WDR27: variants seen among roughly 807,000 people sequenced by gnomAD.
The protein encoded by WDR27 is WD repeat-containing protein 27.
WDR27 carries 100 observed loss-of-function variants against 114.4 expected under a neutral mutation model. The ratio of observed to expected loss-of-function variants is 0.87; its 90% CI spans 0.74 to 1.03. The LOEUF is 1.03. Ranked by LOEUF, WDR27 falls within the 50% of genes least tolerant of loss-of-function variation. The pLI is 0.00. For synonymous variants in WDR27, 449 were observed against 423.1 expected, an observed-to-expected ratio of 1.06 and a Z score of -0.75; for missense variants, 1,129 against 1,092.9, an observed-to-expected ratio of 1.03 and a Z score of -0.47.
chr6:169,607,281 T>C (rs1249782896), intron 22 of WDR27, among the ~76,000 whole-genome samples: 1 of 152,082 alleles, frequency 6.6e-6, no homozygotes, highest in African/African-American at 2.4e-5. Context: ...AAAAGACACA[T>C]GCACTCATAT....
the WDR27 span, among the ~76,000 whole-genome samples, chr6:169,450,265 C>T: frequency 6.6e-6 from 1 of 151,930 alleles, no homozygotes; most frequent in Admixed American, 6.5e-5. Flanking sequence ...AGGCTGCAGC[C>T]CCAGGCAGCA....
chr6:169,537,509 T>A (rs982142025), intron 25 of WDR27, among the ~76,000 whole-genome samples: 1 of 152,080 alleles, frequency 6.6e-6, no homozygotes, highest in East Asian at 1.9e-4. Flanking sequence ...GTGGAAGAGC[T>A]TGGTGTAAAA....
At chr6:169,654,858 C>G (rs1823672503) in intron 13 of WDR27, among the ~76,000 whole-genome samples, 1 of 152,060 alleles carries the variant, frequency 6.6e-6, no homozygotes, top group East Asian at 1.9e-4. Flanking sequence ...GGAGGAGCCC[C>G]GTTCAGAAGG....
At chr6:169,535,727 T>A (rs1255819418) in intron 25 of WDR27, among the ~76,000 whole-genome samples, 1 of 152,210 alleles carries the variant, frequency 6.6e-6, no homozygotes. Context: ...TCATAAAGTA[T>A]GTGGACCACA....
intron 14 of WDR27, among the ~76,000 whole-genome samples, chr6:169,650,800 C>T (rs557120684): frequency 1.2e-4 from 18 of 151,946 alleles, no homozygotes; most frequent in African/African-American, 4.3e-4. Flanking sequence ...ATCCCTCCAC[C>T]CCACCATCCA....
At chr6:169,587,781 C>T (rs749197237) in intron 23 of WDR27, among the ~76,000 whole-genome samples, 11 of 152,200 alleles carry the variant, frequency 7.2e-5, no homozygotes, top group Non-Finnish European at 1.5e-4. Context: ...TTTAACAAAA[C>T]GTGCAAGGTT....
At chr6:169,563,804 G>A (rs776162645) in intron 25 of WDR27, among the ~76,000 whole-genome samples, 4 of 152,186 alleles carry the variant, frequency 2.6e-5, no homozygotes, top group African/African-American at 4.8e-5. Context: ...AGGGGGACAC[G>A]GGTGGGTGGA....
rs1459050029 is a variant in WDR27 at position 169,701,578 on chromosome 6, T to G, written c.-35A>C. On this transcript the variant is annotated 5_prime_UTR_variant, in exon 1 of 26. The change abolishes an upstream ATG in the 5' untranslated region. Transcript: ENST00000448612. ...GAGCCCTTTTCCTCCGAACTCCACA[T>G]GCGCTCAGTTCTCAAAGCGCCGATC... 3 of 163,844 alleles carry G rather than the reference T, an allele frequency of 1.8e-5. No individual in the cohort carries two copies. The highest frequency in any genetic ancestry group is 1.9e-4 in the East Asian group (1 of 5,232). The allele number at this position is 163,844 out of a possible 1,614,324, so 10.1% of individuals were successfully genotyped here. A position where few individuals can be genotyped will look rare whatever the true frequency, so the allele number is the denominator to read the frequency against.
intron 22 of WDR27, among the ~76,000 whole-genome samples, chr6:169,608,232 A>T (rs952193789): frequency 2.0e-5 from 3 of 152,182 alleles, no homozygotes; most frequent in Admixed American, 2.0e-4. Context: ...CTTGGTATCT[A>T]CCCAAAGGAA....
intron 21 of WDR27, among the ~76,000 whole-genome samples, chr6:169,620,465 A>C (rs1316543564): frequency 6.6e-6 from 1 of 152,186 alleles, no homozygotes; most frequent in Non-Finnish European, 1.5e-5. Context: ...CCTATTGTTT[A>C]TGTAAAAATG....
chr6:169,645,295 G>A (rs906300981), intron 16 of WDR27, among the ~76,000 whole-genome samples: 5 of 149,158 alleles, frequency 3.4e-5, no homozygotes, highest in African/African-American at 1.2e-4. Context: ...AGTTCACCGG[G>A]TCATACTGTA....
At chr6:169,667,251 G>A (rs1212564675) in intron 5 of WDR27, 64 bp from the exon 6 acceptor site, 3 of 1,424,598 alleles carry the variant, frequency 2.1e-6, no homozygotes, top group South Asian at 1.7e-5. Flanking sequence ...AACAGGTGAA[G>A]CTAACAGTAC....
chr6:169,540,595 A>T (rs1796722511), intron 25 of WDR27, among the ~76,000 whole-genome samples: 1 of 152,058 alleles, frequency 6.6e-6, no homozygotes, highest in East Asian at 1.9e-4. Context: ...ATGCCCAGCT[A>T]ATTTTTGTAT....
intron 25 of WDR27, among the ~76,000 whole-genome samples, chr6:169,527,714 T>C (rs1455402169): frequency 6.6e-6 from 1 of 152,212 alleles, no homozygotes; most frequent in East Asian, 1.9e-4. Context: ...TTCAAAATAA[T>C]TTTGTAATGG....
chr6:169,669,699 T>C (rs912056779), intron 4 of WDR27: 71 of 152,158 alleles, frequency 4.7e-4, no homozygotes, highest in African/African-American at 1.7e-3. Context: ...AGAAATAGTG[T>C]GAAGCCCTTT....
chr6:169,652,071 GAGA>G (rs1822741236), intron 13 of WDR27, 63 bp from the exon 14 acceptor site: 6 of 1,396,044 alleles, frequency 4.3e-6, no homozygotes, highest in East Asian at 2.3e-5. Flanking sequence ...TGATGGACAT[GAGA>G]AGAACAGAGT....
At chr6:169,503,198 AGAGGACAAGCCT>A in intron 25 of WDR27, among the ~76,000 whole-genome samples, 1 of 152,318 alleles carries the variant, frequency 6.6e-6, no homozygotes, top group Non-Finnish European at 1.5e-5. Context: ...TCAGGCCTTC[AGAGGACAAGCCT>A]GAGTTCAAGC....
intron 25 of WDR27, among the ~76,000 whole-genome samples, chr6:169,539,862 A>C (rs540521198): frequency 6.6e-6 from 1 of 152,318 alleles, no homozygotes; most frequent in South Asian, 2.1e-4. Flanking sequence ...CAATGATATT[A>C]TGATTCTTAC....
At chr6:169,587,976 C>A (rs1200474035) in intron 23 of WDR27, among the ~76,000 whole-genome samples, 1 of 152,214 alleles carries the variant, frequency 6.6e-6, no homozygotes, top group Non-Finnish European at 1.5e-5. Flanking sequence ...GAAGGTTCAG[C>A]ATCTCCAGGG....
Sources: gnomAD v4.1 joint callset for allele counts (sites outside exome capture counted in the v4.1 genomes callset) on GRCh38, gnomAD v4.1.1 for gene constraint, MANE v1.5 for transcripts, NCBI Gene and HGNC (gene_info 2026-07-23, HGNC 2026-07-21) for gene names.